The following MACROD2 variants were observed in gnomAD, a reference collection of about 807,000 sequenced individuals.
MACROD2 encodes the protein ADP-ribose glycohydrolase MACROD2.
Under a neutral mutation model 70.4 loss-of-function variants are expected in MACROD2, and 36 were observed. The ratio of observed to expected loss-of-function variants is 0.51; its 90% CI spans 0.39 to 0.68. MACROD2 has a LOEUF of 0.68. MACROD2 is among the 30% of genes least tolerant of loss of function. MACROD2 has a pLI of 0.00. For missense variants in MACROD2, 496 were observed against 538.4 expected (o/e 0.92, Z 0.78); for synonymous variants, 172 against 178.8 (o/e 0.96, Z 0.30).
intron 5 of MACROD2, among the ~76,000 whole-genome samples, chr20:14,961,588 C>T (rs144805426): frequency 2.6e-5 from 4 of 151,626 alleles, no homozygotes; most frequent in East Asian, 2.0e-4. Context: ...AGTGCAGTGG[C>T]GCAATCACAG....
chr20:14,105,666 A>G (rs532044199), intron 3 of MACROD2, among the ~76,000 whole-genome samples: 34 of 152,294 alleles, frequency 2.2e-4, no homozygotes, highest in African/African-American at 7.9e-4. Flanking sequence ...AGAGACACCA[A>G]ATGGGGCAGC....
chr20:14,880,000 C>T (rs1197873854), intron 5 of MACROD2, among the ~76,000 whole-genome samples: 10 of 152,226 alleles, frequency 6.6e-5, no homozygotes, highest in Non-Finnish European at 7.4e-5. Flanking sequence ...TTTTTAGCCT[C>T]GTGAGAGCAG....
At chr20:14,275,121 A>G (rs956349505) in intron 3 of MACROD2, among the ~76,000 whole-genome samples, 26 of 152,198 alleles carry the variant, frequency 1.7e-4, no homozygotes, top group Non-Finnish European at 3.5e-4. Flanking sequence ...ACAGAATTGG[A>G]AAAAACTACT....
chr20:14,834,950 A>G (rs2073012374), intron 5 of MACROD2, among the ~76,000 whole-genome samples: 1 of 152,046 alleles, frequency 6.6e-6, no homozygotes, highest in Non-Finnish European at 1.5e-5. Flanking sequence ...CTATACATAT[A>G]TAGACTCTCT....
chr20:15,448,846 C>T (rs2146389350), intron 7 of MACROD2, among the ~76,000 whole-genome samples: 1 of 152,128 alleles, frequency 6.6e-6, no homozygotes, highest in South Asian at 2.1e-4. Flanking sequence ...AGTGTTTTGT[C>T]TTACTATAAA....
chr20:14,321,571 G>C (rs1041593505), intron 3 of MACROD2, among the ~76,000 whole-genome samples: 2 of 152,178 alleles, frequency 1.3e-5, no homozygotes, highest in African/African-American at 4.8e-5. Flanking sequence ...AAAGGAATTA[G>C]AATTTTAAAT....
chr20:14,043,873 C>CTG (rs771594868), intron 2 of MACROD2, among the ~76,000 whole-genome samples: 2 of 152,216 alleles, frequency 1.3e-5, no homozygotes, highest in Non-Finnish European at 2.9e-5. Context: ...ATAACAAGGA[C>CTG]TGTCAGTGTT....
intron 5 of MACROD2, among the ~76,000 whole-genome samples, chr20:15,114,365 C>G (rs554104615): frequency 2.6e-5 from 4 of 152,316 alleles, no homozygotes; most frequent in Admixed American, 6.5e-5. Flanking sequence ...AAGACTTCAT[C>G]TTAGCCAGCT....
chr20:15,398,116 C>T (rs1321317877), intron 6 of MACROD2, among the ~76,000 whole-genome samples: 1 of 152,068 alleles, frequency 6.6e-6, no homozygotes. Flanking sequence ...AATCAGGTGA[C>T]TTTGGAACTA....
chr20:15,979,610 G>A (rs1308689145), intron 13 of MACROD2, among the ~76,000 whole-genome samples: 1 of 152,072 alleles, frequency 6.6e-6, no homozygotes, highest in African/African-American at 2.4e-5. Flanking sequence ...GCTCTAGAAT[G>A]TTTTTTAAAA....
chr20:14,085,067 G>GTA (rs2054060226), intron 2 of MACROD2, among the ~76,000 whole-genome samples: 1 of 147,220 alleles, frequency 6.8e-6, no homozygotes, highest in East Asian at 2.0e-4. Flanking sequence ...CGGGGCTGAG[G>GTA]GCAGAGAATC....
At chr20:15,450,855 C>T (rs908082663) in intron 7 of MACROD2, among the ~76,000 whole-genome samples, 1 of 152,110 alleles carries the variant, frequency 6.6e-6, no homozygotes, top group Non-Finnish European at 1.5e-5. Flanking sequence ...TGACATCTCT[C>T]AGAATTAAAC....
intron 3 of MACROD2, among the ~76,000 whole-genome samples, chr20:14,302,736 A>G (rs1601452776): frequency 1.3e-5 from 2 of 151,598 alleles, no homozygotes; most frequent in African/African-American, 4.9e-5. Flanking sequence ...GCTCACTGCA[A>G]CCTCCGCCTG....
chr20:15,276,307 G>A (rs1319461774), intron 6 of MACROD2, among the ~76,000 whole-genome samples: 3 of 151,552 alleles, frequency 2.0e-5, no homozygotes, highest in Admixed American at 2.0e-4. Flanking sequence ...GGCTGAGGTA[G>A]GAGAAGGGCG....
chr20:15,359,050 G>C (rs962671178), intron 6 of MACROD2, among the ~76,000 whole-genome samples: 1 of 152,090 alleles, frequency 6.6e-6, no homozygotes, highest in East Asian at 1.9e-4. Context: ...TATGTTAGGG[G>C]CCTACGGAAG....
intron 4 of MACROD2, among the ~76,000 whole-genome samples, chr20:14,515,500 A>T (rs2085087068): frequency 9.9e-6 from 1 of 101,146 alleles, no homozygotes; most frequent in Non-Finnish European, 2.3e-5. Flanking sequence ...CACACACACG[A>T]TGGAATATTA....
intron 6 of MACROD2, among the ~76,000 whole-genome samples, chr20:15,232,551 A>T (rs1275575209): frequency 1.3e-5 from 2 of 152,044 alleles, no homozygotes; most frequent in Non-Finnish European, 2.9e-5. Flanking sequence ...TGTTATAGGG[A>T]TCAGTCGGGA....
chr20:14,886,740 C>G (rs2073680992), intron 5 of MACROD2, among the ~76,000 whole-genome samples: 1 of 152,114 alleles, frequency 6.6e-6, no homozygotes, highest in Non-Finnish European at 1.5e-5. Context: ...CCGTGCTAAT[C>G]TTTAACTTTT....
At chr20:15,289,139 T>G (rs1158918299) in intron 6 of MACROD2, among the ~76,000 whole-genome samples, 1 of 152,132 alleles carries the variant, frequency 6.6e-6, no homozygotes, top group Non-Finnish European at 1.5e-5. Flanking sequence ...CTTAAAAGAA[T>G]TAATATGAAG....
Sources: gnomAD v4.1 joint callset for allele counts (sites outside exome capture counted in the v4.1 genomes callset) on GRCh38, gnomAD v4.1.1 for gene constraint, MANE v1.5 for transcripts, NCBI Gene and HGNC (gene_info 2026-07-23, HGNC 2026-07-21) for gene names.